Variants in SEPTIN9 observed in about 807,000 individuals in gnomAD.
The protein encoded by SEPTIN9 is septin 9, also known as septin-9.
SEPTIN9 carries 13 observed loss-of-function variants against 56.6 expected under a neutral mutation model. That is an observed-to-expected ratio of 0.23 (90% CI 0.15 to 0.37). SEPTIN9 has a LOEUF of 0.37. SEPTIN9 is among the 10% of genes least tolerant of loss of function. SEPTIN9 has a pLI of 1.00. For synonymous variants in SEPTIN9, 332 were observed against 334.1 expected, an observed-to-expected ratio of 0.99 and a Z score of 0.07; for missense variants, 650 against 823.1, an observed-to-expected ratio of 0.79 and a Z score of 2.57.
At chr17:77,440,190 C>T (rs1051369330) in intron 3 of SEPTIN9, among the ~76,000 whole-genome samples, 4 of 152,016 alleles carry the variant, frequency 2.6e-5, no homozygotes, top group African/African-American at 4.8e-5. Flanking sequence ...AGTCTCGCTC[C>T]GTCACCTAGG....
At chr17:77,334,966 G>A (rs1389759709) in intron 2 of SEPTIN9, among the ~76,000 whole-genome samples, 9 of 151,776 alleles carry the variant, frequency 5.9e-5, no homozygotes, top group South Asian at 4.2e-4. Context: ...GTATATGTAC[G>A]TATATACATG....
At chr17:77,474,637 C>T (rs1488757636) in intron 3 of SEPTIN9, among the ~76,000 whole-genome samples, 1 of 152,186 alleles carries the variant, frequency 6.6e-6, no homozygotes, top group Non-Finnish European at 1.5e-5. Context: ...CCCCATACTT[C>T]TCCAGCCTTT....
chr17:77,394,679 G>A (rs2144053824), intron 2 of SEPTIN9, among the ~76,000 whole-genome samples: 1 of 152,282 alleles, frequency 6.6e-6, no homozygotes. Context: ...CTCGCTTGGT[G>A]TTCCCTCCCC....
In SEPTIN9 at chr17:77,281,500, C is replaced by T; in HGVS notation, c.-36C>T. ...GAGCGCGCGCCCCGCTGCCTCGCCGCCACACTTTCCTGGGAGCGGCGGCCA... is the reference window on the plus strand; with the variant it reads ...GAGCGCGCGCCCCGCTGCCTCGCCGTCACACTTTCCTGGGAGCGGCGGCCA... On this transcript the variant is annotated 5_prime_UTR_variant, in exon 1 of 12. Coordinates refer to ENST00000427177, the MANE Select transcript of SEPTIN9 (RefSeq NM_001113491.2). 6.5e-7 allele frequency: 1 copy of T among 1,545,806 alleles called. No individual in the cohort carries two copies. Among genetic ancestry groups the T allele is most frequent in the Non-Finnish European group, 8.7e-7 (1 of 1,145,618 alleles).
chr17:77,376,377 C>CT (rs2034920776), intron 2 of SEPTIN9: 1 of 985,536 alleles, frequency 1.0e-6, no homozygotes, highest in Admixed American at 6.1e-5. Flanking sequence ...GGCGGCTCAC[C>CT]TGGTGTCTTG....
At chr17:77,397,480 G>A (rs116180921) in intron 2 of SEPTIN9, among the ~76,000 whole-genome samples, 1 of 152,086 alleles carries the variant, frequency 6.6e-6, no homozygotes, top group African/African-American at 2.4e-5. Context: ...GGTCACATTC[G>A]TGGGTTCTTG....
intron 1 of SEPTIN9, among the ~76,000 whole-genome samples, chr17:77,291,650 G>T (rs2031562663): frequency 6.6e-6 from 1 of 151,934 alleles, no homozygotes; most frequent in Non-Finnish European, 1.5e-5. Context: ...TTTTGTTTTT[G>T]TTTTTGTAGC....
intron 3 of SEPTIN9, among the ~76,000 whole-genome samples, chr17:77,480,510 C>T (rs2039412575): frequency 6.6e-6 from 1 of 152,218 alleles, no homozygotes; most frequent in African/African-American, 2.4e-5. Flanking sequence ...CCCACTGCCC[C>T]TCCTGGCCTG....
At chr17:77,394,882 G>A (rs1219984533) in intron 2 of SEPTIN9, among the ~76,000 whole-genome samples, 1 of 152,196 alleles carries the variant, frequency 6.6e-6, no homozygotes, top group Admixed American at 6.5e-5. Context: ...GGGAAAGTTT[G>A]CATCTGGAGG....
chr17:77,352,511 G>C (rs1050477376), intron 2 of SEPTIN9, among the ~76,000 whole-genome samples: 1 of 152,154 alleles, frequency 6.6e-6, no homozygotes, highest in African/African-American at 2.4e-5. Flanking sequence ...ATTCCTCCTG[G>C]GGGTTCCGAG....
At chr17:77,312,611 G>A (rs770937900) in intron 2 of SEPTIN9, among the ~76,000 whole-genome samples, 3 of 152,198 alleles carry the variant, frequency 2.0e-5, no homozygotes, top group Non-Finnish European at 4.4e-5. Context: ...TTCCTGGTGC[G>A]TGGCAGGCAG....
At position 77,500,392 on chromosome 17, in the gene SEPTIN9, G is replaced by C. The variant is rs1368030038; in HGVS notation, c.*1734G>C. 2 of 207,554 alleles carry C rather than the reference G, an allele frequency of 9.6e-6. No individual in the cohort carries two copies. The highest frequency in any genetic ancestry group is 2.0e-5 in the Non-Finnish European group (2 of 101,146). 12.9% of individuals were successfully genotyped at this position (207,554 alleles called of 1,614,324 possible). On this transcript the variant is annotated 3_prime_UTR_variant, in exon 12 of 12. Transcript: ENST00000427177. ...ATGTCACTTGGTGGCGGGGTGGGGTGGGGGTGGGCAGCAGCATCCCAGCCT... is the reference window on the plus strand; with the variant it reads ...ATGTCACTTGGTGGCGGGGTGGGGTCGGGGTGGGCAGCAGCATCCCAGCCT...
chr17:77,438,882 T>C (rs2037446984), intron 3 of SEPTIN9, among the ~76,000 whole-genome samples: 1 of 152,226 alleles, frequency 6.6e-6, no homozygotes, highest in African/African-American at 2.4e-5. Context: ...TCTGGGCTCC[T>C]CTGGACTGCT....
rs556217646 is a variant in SEPTIN9, at chr17:77,496,803, G to A, written c.1574-512G>A. On this transcript the variant is annotated intron_variant, in intron 10 of 11. Transcript: ENST00000427177. The stretch of plus-strand genomic sequence containing the variant: ...GTGTCCCTGTGTGTGTGTGCTCTGA[G>A]CGCACACAAGGTGGATGGGGCCGTG... Among the ~76,000 whole-genome samples, 28 of 152,380 alleles carry A rather than the reference G, an allele frequency of 1.8e-4. No homozygotes were observed. In the South Asian group the frequency reaches 5.6e-3, roughly 30 times the overall value.
In SEPTIN9 at chr17:77,310,619, C is replaced by A. The variant is rs1277622743; in HGVS notation, c.76+3422C>A. ...TGGATTTGGCTGGGCTGTGGAGATG[C>A]GCTTCTCAGCCCTTCTAGATGTTAC... is the stretch of plus-strand genomic sequence containing the variant. On this transcript the variant is annotated intron_variant, in intron 2 of 11. Transcript: ENST00000427177. This position sits in a 1 kb window ranked among gnomAD's most constrained non-coding sequence, Gnocchi z 4.7. Among the ~76,000 whole-genome samples the A allele has an allele frequency of 6.6e-6, 1 of 152,122 alleles. No homozygotes were observed. Among genetic ancestry groups the A allele is most frequent in the African/African-American group, 2.4e-5 (1 of 41,404 alleles).
rs964806785 is a variant in SEPTIN9, at chr17:77,436,171, G to A, written c.721+33468G>A. 3.9e-5 allele frequency among the ~76,000 whole-genome samples: 6 copies of A among 152,168 alleles called. No homozygotes were observed. Among genetic ancestry groups the A allele is most frequent in the Admixed American group, 1.3e-4 (2 of 15,286 alleles). On this transcript the variant is annotated intron_variant, in intron 3 of 11. Transcript: ENST00000427177. The surrounding 1 kb of genome is among the most constrained non-coding windows in gnomAD (Gnocchi z 4.4). Reference sequence around the variant, plus strand: ...ATGCCTGCTGGAAGCCAACGTGCACGAAAGAGTTAATGGTGGATCCCATTT... The same window carrying A: ...ATGCCTGCTGGAAGCCAACGTGCACAAAAGAGTTAATGGTGGATCCCATTT...
intron 3 of SEPTIN9, among the ~76,000 whole-genome samples, chr17:77,422,679 CGGGCCCATCCCCATGAAACT>C (rs1568057011): frequency 7.3e-6 from 1 of 136,302 alleles, no homozygotes; most frequent in Admixed American, 7.1e-5. Flanking sequence ...CCCATGAAAC[CGGGCCCATCCCCATGAAACT>C]GGGCCCACAG....
At chr17:77,349,557 T>TC (rs1243613235) in intron 2 of SEPTIN9, among the ~76,000 whole-genome samples, 7 of 152,186 alleles carry the variant, frequency 4.6e-5, no homozygotes, top group Non-Finnish European at 7.3e-5. Flanking sequence ...ATCTAGCTAT[T>TC]CCCCTGTAGA....
intron 2 of SEPTIN9, among the ~76,000 whole-genome samples, chr17:77,365,354 C>T (rs1172728597): frequency 1.3e-5 from 2 of 151,962 alleles, no homozygotes; most frequent in East Asian, 1.9e-4. Context: ...CCTTCCCTTC[C>T]GTTCCCTTCC....
Sources: allele counts gnomAD v4.1 joint callset (sites outside exome capture counted in the v4.1 genomes callset), GRCh38; gene constraint gnomAD v4.1.1; non-coding constraint Gnocchi (gnomAD v3.1); transcripts MANE v1.5; gene names NCBI Gene and HGNC (gene_info 2026-07-23, HGNC 2026-07-21).